The following PGM3 variants were observed in gnomAD, a reference collection of about 807,000 sequenced individuals.
PGM3 encodes the protein phosphoacetylglucosamine mutase.
In PGM3, 40 loss-of-function variants were observed where a neutral mutation model predicts 66.2. That is an observed-to-expected ratio of 0.60 (90% CI 0.47 to 0.79). The LOEUF is 0.79. Ranked by LOEUF, PGM3 falls within the 30% of genes least tolerant of loss-of-function variation. PGM3 has a pLI of 0.00. For synonymous variants in PGM3, 191 were observed against 224.2 expected, an observed-to-expected ratio of 0.85 and a Z score of 1.32; for missense variants, 537 against 643.4, an observed-to-expected ratio of 0.83 and a Z score of 1.79.
chr6:83,149,456 G>A, the PGM3 span, among the ~76,000 whole-genome samples: 1 of 152,144 alleles, frequency 6.6e-6, no homozygotes, highest in Non-Finnish European at 1.5e-5. Context: ...AAACAGGAAG[G>A]GGAAGGGTAT....
the PGM3 span, among the ~76,000 whole-genome samples, chr6:83,155,096 T>C: frequency 2.6e-5 from 4 of 152,110 alleles, no homozygotes; most frequent in African/African-American, 9.7e-5. Flanking sequence ...ATAGCTCATA[T>C]ACAAGGTGAA....
At chr6:83,183,213 T>A (rs1788327221) in intron 4 of PGM3, among the ~76,000 whole-genome samples, 2 of 152,132 alleles carry the variant, frequency 1.3e-5, no homozygotes, top group Admixed American at 1.3e-4. Flanking sequence ...AGACAAGTAA[T>A]AATTGAGTTC....
At chr6:83,153,659 T>C in the PGM3 span, 49 of 1,471,996 alleles carry the variant, frequency 3.3e-5, no homozygotes, top group Non-Finnish European at 4.5e-5. Context: ...AATTAATTCA[T>C]AGCCTGTTAG....
chr6:83,174,356 T>A lies in PGM3; in HGVS notation c.1242+18A>T. ...AATGTAAAGGTAACCAAGAGTCCAC[T>A]GCCCCATCAGTTCTGACCTGGTTAA... On this transcript the variant is annotated intron_variant, in intron 10 of 12. Coordinates refer to ENST00000513973, the MANE Select transcript of PGM3 (RefSeq NM_015599.3). 1 of 1,242,448 alleles carries A rather than the reference T, an allele frequency of 8.0e-7. No homozygotes were observed. Among genetic ancestry groups the A allele is most frequent in the East Asian group, 2.3e-5 (1 of 43,118 alleles). 77.0% of individuals were successfully genotyped at this position (1,242,448 alleles called of 1,614,324 possible). A position where few individuals can be genotyped will look rare whatever the true frequency, so the allele number is the denominator to read the frequency against.
Position 83,171,673 on chromosome 6 carries a change from T to TAG in PGM3, c.1365+262_1365+263dup, listed in dbSNP as rs77383726. Among the ~76,000 whole-genome samples, 52,377 of 151,858 alleles carry TAG rather than the reference T, an allele frequency of 0.34. 10,458 individuals are homozygous for TAG. Among genetic ancestry groups the TAG allele is most frequent in the African/African-American group, 0.56 (23,059 of 41,368 alleles). ...GCCCAGCTAATTTTTGTATTTTTAGTAGACAGGGTTTTACCATGTTGGCCA... is the reference window on the plus strand; with the variant it reads ...GCCCAGCTAATTTTTGTATTTTTAGTAGAGACAGGGTTTTACCATGTTGGCCA... On this transcript the variant is annotated intron_variant, in intron 11 of 12. Transcript: ENST00000513973.
At chr6:83,170,958 C>A (rs1786964848) in intron 11 of PGM3, 1 of 154,622 alleles carries the variant, frequency 6.5e-6, no homozygotes, top group Admixed American at 6.3e-5. Flanking sequence ...TATCTGAATT[C>A]TCTCCCTCAG....
chr6:83,192,074 G>A (rs775299705), intron 1 of PGM3, among the ~76,000 whole-genome samples: 1 of 151,750 alleles, frequency 6.6e-6, no homozygotes. Context: ...AGACCAGCCT[G>A]ACCAACATGG....
intron 4 of PGM3, among the ~76,000 whole-genome samples, chr6:83,185,981 A>C (rs1484407301): frequency 6.6e-6 from 1 of 152,166 alleles, no homozygotes; most frequent in African/African-American, 2.4e-5. Context: ...CATTATGGAA[A>C]GCTACAAAGA....
At chr6:83,193,147 T>C (rs1038395836) in intron 1 of PGM3, 32 bp downstream of exon 1, 8 of 151,752 alleles carry the variant, frequency 5.3e-5, no homozygotes, top group African/African-American at 1.9e-4. Flanking sequence ...GTAGTCTCCC[T>C]TCTCAACTCC....
chr6:83,156,315 A>G (rs866149954), downstream of PGM3, among the ~76,000 whole-genome samples: 2 of 152,136 alleles, frequency 1.3e-5, no homozygotes, highest in South Asian at 2.1e-4. Context: ...TGTGGTCTCT[A>G]TTTTATTGTT....
the PGM3 span, among the ~76,000 whole-genome samples, chr6:83,155,253 G>A: frequency 6.6e-6 from 1 of 151,024 alleles, no homozygotes; most frequent in Non-Finnish European, 1.5e-5. Flanking sequence ...TTTGAGGCCA[G>A]GAGTTTGAGA....
chr6:83,168,555 T>TG lies in PGM3; in HGVS notation c.*678dup. 1 of 1,001,110 alleles carries TG rather than the reference T, an allele frequency of 1.0e-6. No homozygotes were observed. 62.0% of individuals were successfully genotyped at this position (1,001,110 alleles called of 1,614,324 possible). On this transcript the variant is annotated 3_prime_UTR_variant, in exon 13 of 13. Transcript: ENST00000513973. ...TAACCATGTTCTGGTATCAGAATGG[T>TG]GTTCCTTCTCCATCAGAGGCTGGGA...
intron 1 of PGM3, among the ~76,000 whole-genome samples, chr6:83,192,039 G>C (rs767898298): frequency 6.6e-6 from 1 of 151,844 alleles, no homozygotes; most frequent in African/African-American, 2.4e-5. Flanking sequence ...GGCCAAGGCG[G>C]GCGGATCACG....
chr6:83,173,719 T>C (rs1787496078), intron 10 of PGM3, among the ~76,000 whole-genome samples: 1 of 152,152 alleles, frequency 6.6e-6, no homozygotes, highest in African/African-American at 2.4e-5. Flanking sequence ...GTATGTCCTT[T>C]GTCAATGAGA....
downstream of PGM3, among the ~76,000 whole-genome samples, chr6:83,164,167 G>A (rs568544094): frequency 4.7e-5 from 7 of 149,174 alleles, no homozygotes; most frequent in African/African-American, 1.5e-4. Context: ...TAATCAGGCA[G>A]CAGCTCTTAA....
chr6:83,151,850 A>G, the PGM3 span: 6 of 1,602,686 alleles, frequency 3.7e-6, no homozygotes, highest in Non-Finnish European at 5.1e-6. Flanking sequence ...GCATGTGTGT[A>G]CCATACATAG....
Position 83,168,355 on chromosome 6 carries a change from G to C in PGM3, c.*879C>G. 1.4e-6 allele frequency: 2 copies of C among 1,397,828 alleles called. No homozygotes were observed. The highest frequency in any genetic ancestry group is 2.7e-5 in the East Asian group (1 of 37,392). 86.6% of individuals were successfully genotyped at this position (1,397,828 alleles called of 1,614,324 possible). A position where few individuals can be genotyped will look rare whatever the true frequency, so the allele number is the denominator to read the frequency against. On this transcript the variant is annotated 3_prime_UTR_variant, in exon 13 of 13. Coordinates refer to ENST00000513973, the MANE Select transcript of PGM3 (RefSeq NM_015599.3). ...CCTGAATCAAGTTTAAATATTGTTG[G>C]CTCATACTGATTATGGTGCCTAAGA...
intron 11 of PGM3, among the ~76,000 whole-genome samples, chr6:83,171,523 G>A (rs1387525954): frequency 1.3e-5 from 2 of 151,968 alleles, no homozygotes; most frequent in African/African-American, 2.4e-5. Context: ...ACGGAGTCTC[G>A]CTCTGTCGCC....
Position 83,166,143 on chromosome 6 carries a change from AT to A in PGM3, c.*3090del, listed in dbSNP as rs1258618032. ...AGAAAATGACACTTCAAAACAACGAATTTTTTTATTTTTCACTCAGCTCATG... is the reference window on the plus strand; with the variant it reads ...AGAAAATGACACTTCAAAACAACGAATTTTTTATTTTTCACTCAGCTCATG... On this transcript the variant is annotated 3_prime_UTR_variant, in exon 13 of 13. Coordinates refer to ENST00000513973, the MANE Select transcript of PGM3 (RefSeq NM_015599.3). The A allele has an allele frequency of 8.6e-6, 4 of 464,188 alleles. No homozygotes were observed. In the East Asian group the frequency reaches 1.3e-4, roughly 15 times the overall value. The allele number at this position is 464,188 out of a possible 1,614,324, so 28.8% of individuals were successfully genotyped here.
Sources: allele counts gnomAD v4.1 joint callset (sites outside exome capture counted in the v4.1 genomes callset), GRCh38; gene constraint gnomAD v4.1.1; transcripts MANE v1.5; gene names NCBI Gene and HGNC (gene_info 2026-07-23, HGNC 2026-07-21).